Variants in PTPRD observed in about 807,000 individuals in gnomAD.
The protein encoded by PTPRD is receptor-type tyrosine-protein phosphatase delta.
In PTPRD, 34 loss-of-function variants were observed where a neutral mutation model predicts 214.5. That is an observed-to-expected ratio of 0.16 (90% CI 0.12 to 0.21). The LOEUF is 0.21. Ranked by LOEUF, PTPRD falls within the 10% of genes least tolerant of loss-of-function variation. The probability of loss-of-function intolerance (pLI) is 1.00; values close to 1 mark genes in which losing one functional copy is unlikely to be tolerated. For missense variants in PTPRD, 2,545 were observed against 2,398.7 expected, an observed-to-expected ratio of 1.06 and a Z score of -1.27; for synonymous variants, 1,128 against 845.7, an observed-to-expected ratio of 1.33 and a Z score of -5.79.
intron 12 of PTPRD, among the ~76,000 whole-genome samples, chr9:8,729,964 T>C (rs1030902542): frequency 6.6e-6 from 1 of 152,102 alleles, no homozygotes; most frequent in African/African-American, 2.4e-5. Context: ...GACAGAAATA[T>C]TGTGAGTATA....
At chr9:8,337,824 A>G (rs928851175) in intron 43 of PTPRD, among the ~76,000 whole-genome samples, 1 of 151,374 alleles carries the variant, frequency 6.6e-6, no homozygotes, top group Non-Finnish European at 1.5e-5. Context: ...CTCAAAATGC[A>G]CTTTCTATTT....
chr9:10,114,674 A>G (rs986730087), intron 3 of PTPRD, among the ~76,000 whole-genome samples: 2 of 152,114 alleles, frequency 1.3e-5, no homozygotes, highest in African/African-American at 2.4e-5. Context: ...ATATGCCCAC[A>G]TGCATATATA....
chr9:9,513,506 T>A (rs1352723697), intron 8 of PTPRD, among the ~76,000 whole-genome samples: 1 of 151,836 alleles, frequency 6.6e-6, no homozygotes, highest in Non-Finnish European at 1.5e-5. Flanking sequence ...CATTTTGCTT[T>A]TTCTTAAAGA....
At chr9:8,540,191 A>T (rs2078045133) in intron 14 of PTPRD, among the ~76,000 whole-genome samples, 1 of 152,154 alleles carries the variant, frequency 6.6e-6, no homozygotes, top group Non-Finnish European at 1.5e-5. Context: ...ATTAATTCAT[A>T]TTATCAGAAA....
intron 8 of PTPRD, among the ~76,000 whole-genome samples, chr9:9,492,333 A>AAAT: frequency 6.6e-6 from 1 of 151,820 alleles, no homozygotes; most frequent in Admixed American, 6.5e-5. Flanking sequence ...ACATAAAAAA[A>AAAT]AAAAAAAAAC....
chr9:8,525,028 A>T lies in PTPRD; in HGVS notation c.576T>A (p.Leu192=), dbSNP rs2073682428. Residue 192 remains leucine (L), a synonymous_variant, in exon 18 of 46, where the codon CTT becomes CTA. Transcript: ENST00000381196. ...SIGGTPIRGA[L]QIEQSEESDQ... is the part of the protein sequence containing the mutation. ...CAGACTCTTCACTCTGCTCAATCTG[A>T]AGGGCTCCTGTATGGATATAAAATA... The T allele has an allele frequency of 6.2e-7, 1 of 1,613,046 alleles. No homozygotes were observed. The highest frequency in any genetic ancestry group is 8.5e-7 in the Non-Finnish European group (1 of 1,179,188).
At position 10,503,207 on chromosome 9, in the gene PTPRD, A is replaced by C. The variant is rs73644476; in HGVS notation, c.-600+109191T>G. Among the ~76,000 whole-genome samples, 162 of 97,444 alleles carry C rather than the reference A, an allele frequency of 1.7e-3. 4 individuals are homozygous for C. The highest frequency in any genetic ancestry group is 0.01 in the African/African-American group (160 of 15,986). 63.9% of individuals were successfully genotyped at this position (97,444 alleles called of 152,430 possible). ...CAGCTGCAATACAAAAAAAAAAAAA[A>C]CAAAAAAAAACACCATTTTTTTCCC... On this transcript the variant is annotated intron_variant, in intron 2 of 45. Transcript: ENST00000381196.
chr9:8,583,025 G>C (rs1208053534), intron 14 of PTPRD, among the ~76,000 whole-genome samples: 1 of 152,172 alleles, frequency 6.6e-6, no homozygotes, highest in Non-Finnish European at 1.5e-5. Flanking sequence ...GGGGGTTATT[G>C]ATTCAATGGA....
chr9:9,439,541 C>G (rs2086679105), intron 8 of PTPRD, among the ~76,000 whole-genome samples: 1 of 152,172 alleles, frequency 6.6e-6, no homozygotes, highest in Non-Finnish European at 1.5e-5. Context: ...TCAGCAACAG[C>G]ATGTGAGTAA....
chr9:8,799,225 G>A (rs1056261811), intron 11 of PTPRD, among the ~76,000 whole-genome samples: 6 of 152,152 alleles, frequency 3.9e-5, no homozygotes, highest in African/African-American at 9.7e-5. Context: ...CCAGTAGTCT[G>A]GTAGCAATCA....
In PTPRD at chr9:9,873,766, C is replaced by T. The variant is rs535780941; in HGVS notation, c.-368+64741G>A. 2.6e-5 allele frequency among the ~76,000 whole-genome samples: 4 copies of T among 152,226 alleles called. No homozygotes were observed. In the South Asian group the frequency reaches 8.3e-4, roughly 32 times the overall value. ...AAAATATTCTTTCTCCATCCTGAGG[C>T]TCATATTTCTGAGTATCCCCATAGC... On this transcript the variant is annotated intron_variant, in intron 5 of 45. Coordinates refer to ENST00000381196, the MANE Select transcript of PTPRD (RefSeq NM_002839.4).
intron 4 of PTPRD, among the ~76,000 whole-genome samples, chr9:9,966,113 T>A (rs10115039): frequency 6.6e-6 from 1 of 151,812 alleles, no homozygotes; most frequent in Admixed American, 6.6e-5. Context: ...TCTACTGGCT[T>A]TCGGTTTTTT....
chr9:10,020,270 C>A (rs1199025783), intron 4 of PTPRD, among the ~76,000 whole-genome samples: 1 of 152,144 alleles, frequency 6.6e-6, no homozygotes, highest in African/African-American at 2.4e-5. Context: ...TATCCCCTAG[C>A]TTAGGTGTAT....
chr9:8,779,515 G>A (rs539501721), intron 11 of PTPRD, among the ~76,000 whole-genome samples: 3 of 152,090 alleles, frequency 2.0e-5, no homozygotes, highest in African/African-American at 7.2e-5. Context: ...TGTAAAGCTA[G>A]CATTCACCAC....
At chr9:9,693,697 C>T (rs1196560771) in intron 7 of PTPRD, among the ~76,000 whole-genome samples, 2 of 152,186 alleles carry the variant, frequency 1.3e-5, no homozygotes, top group Non-Finnish European at 2.9e-5. Flanking sequence ...ATGTCTTTCT[C>T]TACCTCCTCT....
At chr9:10,492,523 G>A (rs2040652221) in intron 2 of PTPRD, among the ~76,000 whole-genome samples, 1 of 152,036 alleles carries the variant, frequency 6.6e-6, no homozygotes, top group Non-Finnish European at 1.5e-5. Context: ...TTTGAGAAAT[G>A]TCTGTTCATA....
intron 2 of PTPRD, among the ~76,000 whole-genome samples, chr9:10,509,899 A>G (rs1471820062): frequency 6.6e-6 from 1 of 152,080 alleles, no homozygotes; most frequent in Non-Finnish European, 1.5e-5. Flanking sequence ...TTTTAAAACT[A>G]TAATTCCATT....
intron 3 of PTPRD, among the ~76,000 whole-genome samples, chr9:10,146,139 G>C (rs2099020752): frequency 1.6e-5 from 2 of 122,728 alleles, no homozygotes; most frequent in Non-Finnish European, 3.4e-5. Flanking sequence ...TAAAAATTAA[G>C]TGAAATCATC....
At position 10,514,735 on chromosome 9, in the gene PTPRD, C is replaced by T. The variant is rs533838082; in HGVS notation, c.-600+97663G>A. Among the ~76,000 whole-genome samples the T allele has an allele frequency of 4.6e-5, 7 of 151,794 alleles. No homozygotes were observed. The South Asian group carries it at 8.3e-4, about 18-fold the overall frequency. On this transcript the variant is annotated intron_variant, in intron 2 of 45. Coordinates refer to ENST00000381196, the MANE Select transcript of PTPRD (RefSeq NM_002839.4). ...GTATTATACAGACTAGATAAATTTA[C>T]GTATAAGCAAGATAGTTTGTTGTTG...
Sources: allele counts gnomAD v4.1 joint callset (sites outside exome capture counted in the v4.1 genomes callset), GRCh38; gene constraint gnomAD v4.1.1; transcripts MANE v1.5; gene names NCBI Gene and HGNC (gene_info 2026-07-23, HGNC 2026-07-21).